The following NR5A2 variants were observed in gnomAD, a reference collection of about 807,000 sequenced individuals.
NR5A2 encodes CYP7A promoter-binding factor.
NR5A2 carries 26 observed loss-of-function variants against 62.7 expected under a neutral mutation model. The ratio of observed to expected loss-of-function variants is 0.41; its 90% confidence interval spans 0.30 to 0.58. The LOEUF (loss-of-function observed/expected upper bound fraction) is 0.58, where lower values mean the gene tolerates loss of function less well. NR5A2 is among the 20% of genes least tolerant of loss of function. NR5A2 has a pLI of 0.22. For missense variants in NR5A2, 541 were observed against 669.1 expected (o/e 0.81, Z 2.11); for synonymous variants, 246 against 241.7 (o/e 1.02, Z -0.16).
intron 5 of NR5A2, among the ~76,000 whole-genome samples, chr1:200,097,442 T>G (rs1390608173): frequency 6.6e-6 from 1 of 152,212 alleles, no homozygotes; most frequent in African/African-American, 2.4e-5. Context: ...ATTTCTCCCA[T>G]TTTATGATGA....
chr1:200,097,500 C>A (rs1203430237), intron 5 of NR5A2, among the ~76,000 whole-genome samples: 1 of 152,212 alleles, frequency 6.6e-6, no homozygotes. Flanking sequence ...CACTTCTCAG[C>A]CACCTTTGGG....
chr1:200,094,295 G>A (rs939985587), intron 5 of NR5A2, among the ~76,000 whole-genome samples: 11 of 150,278 alleles, frequency 7.3e-5, no homozygotes, highest in African/African-American at 2.2e-4. Context: ...AGTGAGTCTC[G>A]TGTCTCAGCC....
intron 5 of NR5A2, among the ~76,000 whole-genome samples, chr1:200,076,212 G>C (rs1340234806): frequency 2.0e-5 from 3 of 152,124 alleles, no homozygotes; most frequent in Non-Finnish European, 2.9e-5. Flanking sequence ...TGATGATAAA[G>C]TTTTCCTGTG....
chr1:200,128,766 C>T (rs1038556554), intron 7 of NR5A2, among the ~76,000 whole-genome samples: 1 of 152,046 alleles, frequency 6.6e-6, no homozygotes, highest in African/African-American at 2.4e-5. Context: ...CAAGTACAGC[C>T]GTCCGCTTTC....
At chr1:200,062,227 T>TTGTGTGTGTGTG (rs6143563) in intron 5 of NR5A2, among the ~76,000 whole-genome samples, 2,158 of 145,732 alleles carry the variant, frequency 0.015, 65 homozygotes, top group African/African-American at 0.05. Context: ...CTGGCAGATT[T>TTGTGTGTGTGTG]TGTGTGTGTG....
At chr1:200,097,771 T>A (rs1397571943) in intron 5 of NR5A2, among the ~76,000 whole-genome samples, 1 of 152,092 alleles carries the variant, frequency 6.6e-6, no homozygotes, top group Non-Finnish European at 1.5e-5. Flanking sequence ...AGGCGGTGTG[T>A]ATGTTGGGTG....
chr1:200,172,821 T>C (rs1332700864), intron 7 of NR5A2, among the ~76,000 whole-genome samples: 1 of 152,224 alleles, frequency 6.6e-6, no homozygotes, highest in Non-Finnish European at 1.5e-5. Flanking sequence ...CTTTATCCTT[T>C]TAGTCATAGT....
chr1:200,043,965 AG>A, intron 3 of NR5A2, 73 bp downstream of exon 3: 2 of 940,964 alleles, frequency 2.1e-6, no homozygotes, highest in Middle Eastern at 2.1e-4. Context: ...ACTTCTTTTA[AG>A]CTAAATTTAG....
rs1321871586 is a variant in NR5A2 at position 200,037,445 on chromosome 1, C to T, written c.65-2213C>T. Among the ~76,000 whole-genome samples the T allele has an allele frequency of 3.3e-5, 5 of 152,296 alleles. No homozygotes were observed. The East Asian group carries it at 7.7e-4, about 24-fold the overall frequency. On this transcript the variant is annotated intron_variant, in intron 1 of 7. Transcript: ENST00000367362. Reference sequence around the variant, plus strand: ...AAAGGTGCTGTATCATAAGTGCACCCATAAATTCTTCGCATTGCTGTGGGA... The same window carrying T: ...AAAGGTGCTGTATCATAAGTGCACCTATAAATTCTTCGCATTGCTGTGGGA...
intron 3 of NR5A2, 42 bp downstream of exon 3, chr1:200,043,934 A>C (rs1662239144): frequency 8.0e-7 from 1 of 1,252,220 alleles, no homozygotes. Flanking sequence ...AATGTCCAAC[A>C]CCAAAATAAA....
intron 2 of NR5A2, among the ~76,000 whole-genome samples, chr1:200,042,438 G>A (rs1361065721): frequency 1.3e-5 from 2 of 152,248 alleles, no homozygotes; most frequent in African/African-American, 4.8e-5. Flanking sequence ...CGATACTGTG[G>A]CGGAGGACTT....
In NR5A2 at chr1:200,045,434, G is replaced by C. The variant is rs754789621; in HGVS notation, c.322-9G>C. The C allele has an allele frequency of 2.5e-6, 4 of 1,593,776 alleles. No individual in the cohort carries two copies. Among genetic ancestry groups the C allele is most frequent in the African/African-American group, 1.4e-5 (1 of 73,528 alleles). The stretch of plus-strand genomic sequence containing the variant: ...TATAATACGTCTCACTATTTTCTCT[G>C]TCTTATAGGGATTTTTTAAGCGAAC... On this transcript the variant is annotated splice_polypyrimidine_tract_variant and intron_variant, in intron 3 of 7. Transcript: ENST00000367362.
chr1:200,165,256 A>T (rs920357993), intron 7 of NR5A2, among the ~76,000 whole-genome samples: 10 of 151,112 alleles, frequency 6.6e-5, no homozygotes, highest in African/African-American at 2.5e-4. Context: ...CGCTACTGTC[A>T]GCATTCCCCT....
At chr1:200,052,789 CTG>C (rs1662704346) in intron 5 of NR5A2, among the ~76,000 whole-genome samples, 1 of 151,100 alleles carries the variant, frequency 6.6e-6, no homozygotes, top group Non-Finnish European at 1.5e-5. Context: ...CTACAGGTGC[CTG>C]CCACCACGCC....
rs562519508 is a variant in NR5A2 at position 200,046,552 on chromosome 1, T to TA, written c.463+979dup. The stretch of plus-strand genomic sequence containing the variant: ...TGGAACTCATACTTGATAGAAATAC[T>TA]AAAAAAAAAAATCATATAAATCTGC... On this transcript the variant is annotated intron_variant, in intron 4 of 7. Transcript: ENST00000367362. 4.2e-3 allele frequency among the ~76,000 whole-genome samples: 629 copies of TA among 148,424 alleles called. 8 individuals are homozygous for TA. Among genetic ancestry groups the TA allele is most frequent in the African/African-American group, 0.013 (538 of 40,714 alleles).
intron 3 of NR5A2, chr1:200,044,406 C>G (rs1198867436): frequency 6.6e-6 from 1 of 151,766 alleles, no homozygotes; most frequent in Non-Finnish European, 1.5e-5. Context: ...ATCATAAAGA[C>G]CAAGAAATCA....
intron 6 of NR5A2, among the ~76,000 whole-genome samples, chr1:200,118,170 C>T (rs2102306027): frequency 6.6e-6 from 1 of 151,028 alleles, no homozygotes; most frequent in African/African-American, 2.4e-5. Flanking sequence ...GCATGTACCA[C>T]CACGCCCAGC....
chr1:200,077,629 G>A (rs1389079516), intron 5 of NR5A2, among the ~76,000 whole-genome samples: 2 of 152,156 alleles, frequency 1.3e-5, no homozygotes, highest in Admixed American at 6.5e-5. Flanking sequence ...CAGGAGAATC[G>A]CTTGAACCTG....
intron 2 of NR5A2, chr1:200,043,064 T>C (rs963120182): frequency 2.1e-6 from 2 of 941,932 alleles, no homozygotes; most frequent in Non-Finnish European, 1.3e-6. Context: ...TTTACTCTTC[T>C]GGTATTTTTC....
Sources: gnomAD v4.1 joint callset for allele counts (sites outside exome capture counted in the v4.1 genomes callset) on GRCh38, gnomAD v4.1.1 for gene constraint, MANE v1.5 for transcripts, NCBI Gene and HGNC (gene_info 2026-07-23, HGNC 2026-07-21) for gene names.